BICC1: variants seen among roughly 807,000 people sequenced by gnomAD.
BICC1 encodes BicC family RNA binding protein 1.
BICC1 carries 43 observed loss-of-function variants against 111.0 expected under a neutral mutation model. That is an observed-to-expected ratio of 0.39 (90% confidence interval 0.30 to 0.50). The LOEUF is 0.50. Ranked by LOEUF, BICC1 falls within the 20% of genes least tolerant of loss-of-function variation. The probability of loss-of-function intolerance (pLI) is 0.88; values close to 1 mark genes in which losing one functional copy is unlikely to be tolerated. For synonymous variants in BICC1, 467 were observed against 434.4 expected (o/e 1.07, Z -0.93); for missense variants, 1,091 against 1,203.2 (o/e 0.91, Z 1.38).
At chr10:58,651,384 G>C (rs181502469) in intron 2 of BICC1, among the ~76,000 whole-genome samples, 1 of 152,210 alleles carries the variant, frequency 6.6e-6, no homozygotes, top group South Asian at 2.1e-4. Context: ...ACTGCCTGCA[G>C]ATCTTCATAC....
chr10:58,668,315 T>G (rs1247686916), intron 2 of BICC1, among the ~76,000 whole-genome samples: 1 of 152,116 alleles, frequency 6.6e-6, no homozygotes, highest in Non-Finnish European at 1.5e-5. Flanking sequence ...TGTGTGAGCT[T>G]TTGATCCTCA....
At chr10:58,727,195 T>C (rs1004541572) in intron 3 of BICC1, among the ~76,000 whole-genome samples, 9 of 152,092 alleles carry the variant, frequency 5.9e-5, no homozygotes, top group Non-Finnish European at 1.3e-4. Flanking sequence ...GAAAATAATA[T>C]ATATATGATT....
chr10:58,521,601 C>T (rs1842388550), intron 1 of BICC1, among the ~76,000 whole-genome samples: 1 of 151,918 alleles, frequency 6.6e-6, no homozygotes, highest in Non-Finnish European at 1.5e-5. Context: ...CTGCGGTTCC[C>T]ACAGTCCATT....
chr10:58,713,088 A>G (rs1026012842), intron 3 of BICC1, among the ~76,000 whole-genome samples: 1 of 152,244 alleles, frequency 6.6e-6, no homozygotes, highest in African/African-American at 2.4e-5. Context: ...TCTCTTAAGA[A>G]ACAATCAGAA....
chr10:58,566,148 A>ATG (rs35056463), intron 1 of BICC1, among the ~76,000 whole-genome samples: 18,673 of 150,800 alleles, frequency 0.12, 1,414 homozygotes, highest in African/African-American at 0.2. Context: ...TAATTCAATG[A>ATG]TGTGTGTGTG....
intron 3 of BICC1, among the ~76,000 whole-genome samples, chr10:58,702,996 G>A (rs1484803015): frequency 6.6e-6 from 1 of 152,080 alleles, no homozygotes; most frequent in Non-Finnish European, 1.5e-5. Flanking sequence ...TGATAACACT[G>A]TAAGATTTCT....
chr10:58,666,498 A>G (rs529188819), intron 2 of BICC1, among the ~76,000 whole-genome samples: 1 of 152,300 alleles, frequency 6.6e-6, no homozygotes, highest in African/African-American at 2.4e-5. Context: ...CCAGCATTTT[A>G]ATTCTAATAG....
intron 17 of BICC1, among the ~76,000 whole-genome samples, chr10:58,811,990 G>A (rs1007618483): frequency 2.0e-5 from 3 of 152,136 alleles, no homozygotes; most frequent in Non-Finnish European, 4.4e-5. Context: ...GCTGGATTAT[G>A]GAGCCTGTCA....
At chr10:58,649,404 G>A (rs1376262333) in intron 2 of BICC1, among the ~76,000 whole-genome samples, 1 of 152,140 alleles carries the variant, frequency 6.6e-6, no homozygotes, top group East Asian at 1.9e-4. Context: ...ACCCACCCAC[G>A]AAGCCTGCCT....
rs1239227259 is a variant in BICC1, at chr10:58,540,870, G to T, written c.190+27537G>T. 2.6e-5 allele frequency among the ~76,000 whole-genome samples: 4 copies of T among 151,984 alleles called. No homozygotes were observed. In the East Asian group the frequency reaches 7.8e-4, roughly 30 times the overall value. On this transcript the variant is annotated intron_variant, in intron 1 of 20. Coordinates refer to ENST00000373886, the MANE Select transcript of BICC1 (RefSeq NM_001080512.3). ...AAGAGTGGTGCATTATGACCAAGTGGGATTTATTACTGAAATGCAAGTATG... is the reference window on the plus strand; with the variant it reads ...AAGAGTGGTGCATTATGACCAAGTGTGATTTATTACTGAAATGCAAGTATG...
At chr10:58,596,029 T>A (rs1245670763) in intron 1 of BICC1, among the ~76,000 whole-genome samples, 3 of 152,098 alleles carry the variant, frequency 2.0e-5, no homozygotes, top group Non-Finnish European at 4.4e-5. Flanking sequence ...ATAGGGGATA[T>A]CACCCCTGAT....
chr10:58,777,607 A>T (rs1842781379), intron 3 of BICC1, among the ~76,000 whole-genome samples: 1 of 152,172 alleles, frequency 6.6e-6, no homozygotes, highest in East Asian at 1.9e-4. Flanking sequence ...CTCCCCAATC[A>T]TTGCCAAAGA....
chr10:58,543,716 C>G (rs190141837), intron 1 of BICC1, among the ~76,000 whole-genome samples: 311 of 151,708 alleles, frequency 2.0e-3, no homozygotes, highest in African/African-American at 7.1e-3. Flanking sequence ...CCATGTTGCC[C>G]AGGCTAGTGT....
At chr10:58,613,074 C>A (rs57569787) in intron 1 of BICC1, among the ~76,000 whole-genome samples, 1 of 152,220 alleles carries the variant, frequency 6.6e-6, no homozygotes, top group East Asian at 1.9e-4. Flanking sequence ...TATGGCAAAG[C>A]ATTGGAGAAA....
intron 3 of BICC1, among the ~76,000 whole-genome samples, chr10:58,728,727 G>T (rs1841191333): frequency 7.0e-6 from 1 of 142,492 alleles, no homozygotes; most frequent in Non-Finnish European, 1.6e-5. Flanking sequence ...AATAATACTT[G>T]AAAGTCATAA....
chr10:58,583,814 G>T (rs1844354733), intron 1 of BICC1, among the ~76,000 whole-genome samples: 1 of 152,066 alleles, frequency 6.6e-6, no homozygotes, highest in Non-Finnish European at 1.5e-5. Flanking sequence ...GGATCAAATT[G>T]TAGATCTACT....
At chr10:58,525,587 A>T (rs974760163) in intron 1 of BICC1, among the ~76,000 whole-genome samples, 2 of 146,670 alleles carry the variant, frequency 1.4e-5, no homozygotes, top group Non-Finnish European at 3.0e-5. Flanking sequence ...GGGGAGGGAT[A>T]GCATTAGGAC....
chr10:58,691,931 G>A (rs1839921009), intron 2 of BICC1, among the ~76,000 whole-genome samples: 2 of 152,138 alleles, frequency 1.3e-5, no homozygotes, highest in South Asian at 4.1e-4. Flanking sequence ...AGCAGTCCAC[G>A]TGACATATAA....
chr10:58,590,132 G>A (rs1387072197), intron 1 of BICC1, among the ~76,000 whole-genome samples: 1 of 152,176 alleles, frequency 6.6e-6, no homozygotes, highest in Non-Finnish European at 1.5e-5. Context: ...CATTGAGCAT[G>A]GAGCAGAAGT....
Sources: gnomAD v4.1 joint callset for allele counts (sites outside exome capture counted in the v4.1 genomes callset) on GRCh38, gnomAD v4.1.1 for gene constraint, MANE v1.5 for transcripts, NCBI Gene and HGNC (gene_info 2026-07-23, HGNC 2026-07-21) for gene names.